MCTP2: variants seen among roughly 807,000 people sequenced by gnomAD.
The protein encoded by MCTP2 is multiple C2 and transmembrane domain-containing protein 2.
In MCTP2, 132 loss-of-function variants were observed where a neutral mutation model predicts 111.6. The observed-to-expected ratio is 1.18, with a 90% CI of 1.03 to 1.37. The LOEUF (loss-of-function observed/expected upper bound fraction) is 1.37. Ranked by LOEUF, MCTP2 falls within the 40% of genes most tolerant of loss-of-function variation. The pLI, the probability that MCTP2 is intolerant of heterozygous loss-of-function variation, is 0.00. For synonymous variants in MCTP2, 395 were observed against 387.7 expected, an observed-to-expected ratio of 1.02 and a Z score of -0.22; for missense variants, 1,183 against 1,067.9, an observed-to-expected ratio of 1.11 and a Z score of -1.50.
chr15:94,422,702 A>C (rs1324716766), intron 17 of MCTP2, among the ~76,000 whole-genome samples: 1 of 152,190 alleles, frequency 6.6e-6, no homozygotes, highest in Non-Finnish European at 1.5e-5. Flanking sequence ...ACTGGTCCCC[A>C]CCAAGTTCTC....
chr15:94,239,576 C>A (rs570541931), intron 1 of MCTP2, among the ~76,000 whole-genome samples: 2 of 152,334 alleles, frequency 1.3e-5, no homozygotes, highest in South Asian at 4.1e-4. Context: ...TCCTTATCTC[C>A]TACTTTTTCT....
chr15:94,477,156 G>A (rs183379380), intron 22 of MCTP2, among the ~76,000 whole-genome samples: 7 of 152,102 alleles, frequency 4.6e-5, no homozygotes, highest in Admixed American at 3.3e-4. Flanking sequence ...TTCTTCTTCC[G>A]GGTGGCAAGC....
intron 21 of MCTP2, among the ~76,000 whole-genome samples, chr15:94,471,128 G>T (rs1355040333): frequency 6.6e-6 from 1 of 152,210 alleles, no homozygotes; most frequent in Admixed American, 6.5e-5. Context: ...GAGTATTAGT[G>T]TCTGTTCCTG....
At chr15:94,368,282 A>C (rs750767305) in intron 11 of MCTP2, among the ~76,000 whole-genome samples, 1 of 152,210 alleles carries the variant, frequency 6.6e-6, no homozygotes, top group Non-Finnish European at 1.5e-5. Context: ...CTGGATGATA[A>C]GAGCAGTGTG....
In MCTP2 at chr15:94,384,138, C is replaced by T; in HGVS notation, c.1685+14C>T. On this transcript the variant is annotated intron_variant, in intron 13 of 22. Transcript: ENST00000357742. Reference sequence around the variant, plus strand: ...AGTTTTTACATTGTAAGTGCTTTAGCCTCTGGAATTATTTCTGCTGTGCTT... The same window carrying T: ...AGTTTTTACATTGTAAGTGCTTTAGTCTCTGGAATTATTTCTGCTGTGCTT... 1 of 1,576,894 alleles carries T rather than the reference C, an allele frequency of 6.3e-7. No homozygotes were observed. Among genetic ancestry groups the T allele is most frequent in the Non-Finnish European group, 8.7e-7 (1 of 1,147,664 alleles).
intron 1 of MCTP2, among the ~76,000 whole-genome samples, chr15:94,245,132 G>A (rs2071711652): frequency 6.8e-6 from 1 of 147,804 alleles, no homozygotes; most frequent in African/African-American, 2.5e-5. Context: ...ATACACATGT[G>A]TATATATTTA....
chr15:94,459,103 G>C (rs2085027856), intron 20 of MCTP2, among the ~76,000 whole-genome samples: 1 of 152,134 alleles, frequency 6.6e-6, no homozygotes, highest in Admixed American at 6.5e-5. Flanking sequence ...TAAGTGGAAG[G>C]TTTTTAATTT....
At chr15:94,283,359 G>T (rs1230386085) in intron 1 of MCTP2, among the ~76,000 whole-genome samples, 2 of 152,184 alleles carry the variant, frequency 1.3e-5, no homozygotes, top group African/African-American at 2.4e-5. Context: ...CCAAGCCTTG[G>T]GGGGTGGGCT....
At chr15:94,234,702 G>A (rs2152205742) in intron 1 of MCTP2, among the ~76,000 whole-genome samples, 1 of 152,270 alleles carries the variant, frequency 6.6e-6, no homozygotes, top group South Asian at 2.1e-4. Context: ...GGATGCCTTT[G>A]GCCATTGGCT....
chr15:94,276,731 C>T (rs2074229490), intron 1 of MCTP2, among the ~76,000 whole-genome samples: 1 of 134,376 alleles, frequency 7.4e-6, no homozygotes, highest in Non-Finnish European at 1.6e-5. Flanking sequence ...TAATTTACTA[C>T]ATTAACAGAT....
intron 4 of MCTP2, among the ~76,000 whole-genome samples, chr15:94,337,927 G>A (rs549064786): frequency 6.6e-6 from 1 of 152,230 alleles, no homozygotes; most frequent in South Asian, 2.1e-4. Context: ...TCGTAGTGAT[G>A]TTAATGTCAT....
At chr15:94,358,021 C>T (rs755560731) in intron 9 of MCTP2, among the ~76,000 whole-genome samples, 39 of 152,174 alleles carry the variant, frequency 2.6e-4, no homozygotes, top group East Asian at 5.8e-4. Flanking sequence ...GTGGGTTTCT[C>T]ATTTAATGCA....
At chr15:94,434,958 G>A (rs1437663790) in intron 17 of MCTP2, among the ~76,000 whole-genome samples, 1 of 151,522 alleles carries the variant, frequency 6.6e-6, no homozygotes, top group Non-Finnish European at 1.5e-5. Flanking sequence ...CCGCTCCTCG[G>A]GTTCAAGCGA....
chr15:94,245,202 A>G lies in MCTP2; in HGVS notation c.-66+13538A>G, dbSNP rs188877980. 8.4e-5 allele frequency among the ~76,000 whole-genome samples: 12 copies of G among 143,564 alleles called. No homozygotes were observed. In the East Asian group the frequency reaches 1.7e-3, roughly 21 times the overall value. 94.2% of individuals were successfully genotyped at this position (143,564 alleles called of 152,430 possible). On this transcript the variant is annotated intron_variant, in intron 1 of 22. Transcript: ENST00000357742. ...GATTTATACACACATATGTATGTAT[A>G]TATTTATACATATGTGTATATATAC...
At chr15:94,409,601 G>C (rs1036735137) in intron 17 of MCTP2, among the ~76,000 whole-genome samples, 4 of 151,890 alleles carry the variant, frequency 2.6e-5, no homozygotes, top group Admixed American at 2.6e-4. Flanking sequence ...CAGATTTTAG[G>C]ATCTTCAATC....
Position 94,458,126 on chromosome 15 carries a change from A to G in MCTP2, c.2251-11A>G, listed in dbSNP as rs371523771. 4.8e-5 allele frequency: 72 copies of G among 1,500,184 alleles called. No individual in the cohort carries two copies. Among genetic ancestry groups the G allele is most frequent in the South Asian group, 4.8e-4 (42 of 88,326 alleles). The allele number at this position is 1,500,184 out of a possible 1,614,324, so 92.9% of individuals were successfully genotyped here. On this transcript the variant is annotated splice_polypyrimidine_tract_variant and intron_variant, in intron 19 of 22. Coordinates refer to ENST00000357742, the MANE Select transcript of MCTP2 (RefSeq NM_001385001.1). ...AGTAACTGAGTTAAATCTTGCTTTTATGTTTTCTAGGAATCTGAGAAAAAG... is the reference window on the plus strand; with the variant it reads ...AGTAACTGAGTTAAATCTTGCTTTTGTGTTTTCTAGGAATCTGAGAAAAAG...
intron 20 of MCTP2, among the ~76,000 whole-genome samples, chr15:94,463,377 C>CT (rs1317839071): frequency 6.6e-6 from 1 of 152,076 alleles, no homozygotes; most frequent in African/African-American, 2.4e-5. Flanking sequence ...TAAATGGCAT[C>CT]TTTTCTTCAC....
chr15:94,426,029 C>G (rs1230780225), intron 17 of MCTP2, among the ~76,000 whole-genome samples: 2 of 151,816 alleles, frequency 1.3e-5, no homozygotes, highest in African/African-American at 2.4e-5. Context: ...TATTATTGCT[C>G]CATGGAAGGC....
intron 2 of MCTP2, among the ~76,000 whole-genome samples, chr15:94,304,450 T>A (rs2075790175): frequency 6.6e-6 from 1 of 152,148 alleles, no homozygotes; most frequent in African/African-American, 2.4e-5. Context: ...TCAAAAAAAA[T>A]AATAAAAATT....
Sources: gnomAD v4.1 joint callset for allele counts (sites outside exome capture counted in the v4.1 genomes callset) on GRCh38, gnomAD v4.1.1 for gene constraint, MANE v1.5 for transcripts, NCBI Gene and HGNC (gene_info 2026-07-23, HGNC 2026-07-21) for gene names.